Variants in SUSD4 observed in about 807,000 individuals in gnomAD.
The protein encoded by SUSD4 is sushi domain-containing protein 4.
Under a neutral mutation model 50.5 loss-of-function variants are expected in SUSD4, and 41 were observed. The ratio of observed to expected loss-of-function variants is 0.81; its 90% CI spans 0.63 to 1.05. SUSD4 has a LOEUF of 1.05. Ranked by LOEUF, SUSD4 falls within the 50% of genes least tolerant of loss-of-function variation. The pLI is 0.00. For synonymous variants in SUSD4, 257 were observed against 257.3 expected, an observed-to-expected ratio of 1.00 and a Z score of 0.01; for missense variants, 580 against 634.7, an observed-to-expected ratio of 0.91 and a Z score of 0.93.
intron 2 of SUSD4, among the ~76,000 whole-genome samples, chr1:223,346,611 T>C (rs563090813): frequency 6.6e-6 from 1 of 152,216 alleles, no homozygotes; most frequent in African/African-American, 2.4e-5. Flanking sequence ...GCCCCACCAC[T>C]TCTAATTCTA....
intron 3 of SUSD4, among the ~76,000 whole-genome samples, chr1:223,272,998 A>T (rs1215181675): frequency 6.6e-6 from 1 of 152,200 alleles, no homozygotes; most frequent in Non-Finnish European, 1.5e-5. Context: ...AGGTGACATG[A>T]TAGGGACTGA....
At chr1:223,253,608 C>T (rs1394074575) in intron 5 of SUSD4, among the ~76,000 whole-genome samples, 1 of 152,058 alleles carries the variant, frequency 6.6e-6, no homozygotes, top group African/African-American at 2.4e-5. Flanking sequence ...CCGAATATTG[C>T]CGAGTGACTC....
rs766032074 is a variant in SUSD4, at chr1:223,237,369, G to A, written c.725-7981C>T. Among the ~76,000 whole-genome samples the A allele has an allele frequency of 3.3e-5, 5 of 151,866 alleles. No homozygotes were observed. In the East Asian group the frequency reaches 7.7e-4, roughly 23 times the overall value. Reference sequence around the variant, plus strand: ...TTTTCTTGCCTTATTGCATTAACTAGAACTTCCAGTATGATGCTGAAACGG... The same window carrying A: ...TTTTCTTGCCTTATTGCATTAACTAAAACTTCCAGTATGATGCTGAAACGG... On this transcript the variant is annotated intron_variant, in intron 5 of 8. Coordinates refer to ENST00000366878, the MANE Select transcript of SUSD4 (RefSeq NM_017982.4).
chr1:223,224,095 T>C (rs1659327268), intron 7 of SUSD4, among the ~76,000 whole-genome samples: 2 of 152,176 alleles, frequency 1.3e-5, no homozygotes, highest in South Asian at 4.1e-4. Context: ...ACACCTGCAA[T>C]CCCAGCACTT....
intron 2 of SUSD4, among the ~76,000 whole-genome samples, chr1:223,317,221 G>A (rs1457441650): frequency 6.6e-6 from 1 of 152,188 alleles, no homozygotes; most frequent in Non-Finnish European, 1.5e-5. Context: ...GACGACAAGA[G>A]TGGTCTCTGG....
intron 2 of SUSD4, among the ~76,000 whole-genome samples, chr1:223,318,099 TA>T (rs1666336477): frequency 1.9e-5 from 1 of 53,878 alleles, no homozygotes; most frequent in Non-Finnish European, 3.7e-5. Flanking sequence ...TGAGTGAGAA[TA>T]TGCGGTGTTT....
In SUSD4 at chr1:223,223,646, GA is replaced by G; in HGVS notation, c.1062-16del. The stretch of plus-strand genomic sequence containing the variant: ...GGGGAGGCCCCCTGTGTAAAGGAAA[GA>G]AGTGCCAACATGTGAGAGCCATGCC... On this transcript the variant is annotated splice_polypyrimidine_tract_variant and intron_variant, in intron 7 of 8. Transcript: ENST00000366878. The G allele has an allele frequency of 4.4e-6, 7 of 1,584,980 alleles. No individual in the cohort carries two copies. Among genetic ancestry groups the G allele is most frequent in the Non-Finnish European group, 5.2e-6 (6 of 1,163,656 alleles).
At chr1:223,353,545 C>T (rs935619453) in intron 2 of SUSD4, among the ~76,000 whole-genome samples, 11 of 152,126 alleles carry the variant, frequency 7.2e-5, no homozygotes, top group African/African-American at 2.7e-4. Flanking sequence ...TCAGAGGTGA[C>T]AGAGCTGGTC....
chr1:223,278,971 C>T (rs1350703917), intron 3 of SUSD4, among the ~76,000 whole-genome samples: 1 of 152,190 alleles, frequency 6.6e-6, no homozygotes, highest in Non-Finnish European at 1.5e-5. Flanking sequence ...TGGAGTAGAC[C>T]TCCAGCTAAC....
At position 223,221,072 on chromosome 1, in the gene SUSD4, G is replaced by A; in HGVS notation, c.*1120C>T. ...CTTAGGAACAACACCCAGTGGGCAT[G>A]ATGAGACCCTCAAAGTAGGAATGCA... is the stretch of plus-strand genomic sequence containing the variant. On this transcript the variant is annotated 3_prime_UTR_variant, in exon 9 of 9. Transcript: ENST00000366878. The A allele has an allele frequency of 2.5e-6, 1 of 400,884 alleles. No individual in the cohort carries two copies. The highest frequency in any genetic ancestry group is 4.4e-6 in the Non-Finnish European group (1 of 226,272). The allele number at this position is 400,884 out of a possible 1,614,324, so 24.8% of individuals were successfully genotyped here. A position where few individuals can be genotyped will look rare whatever the true frequency, so the allele number is the denominator to read the frequency against.
chr1:223,317,193 A>G (rs1390795275), intron 2 of SUSD4, among the ~76,000 whole-genome samples: 1 of 152,124 alleles, frequency 6.6e-6, no homozygotes, highest in Non-Finnish European at 1.5e-5. Flanking sequence ...GCCAGCTAAA[A>G]CCCACCAAAA....
chr1:223,247,984 C>T (rs933476395), intron 5 of SUSD4, among the ~76,000 whole-genome samples: 4 of 152,188 alleles, frequency 2.6e-5, no homozygotes, highest in African/African-American at 7.2e-5. Flanking sequence ...ATATGAATTG[C>T]AGTCCATGGA....
chr1:223,341,977 G>A (rs1047534366), intron 2 of SUSD4, among the ~76,000 whole-genome samples: 2 of 152,092 alleles, frequency 1.3e-5, no homozygotes, highest in African/African-American at 2.4e-5. Flanking sequence ...TGGTCACGTC[G>A]AGTGTAAATG....
chr1:223,327,041 A>G (rs1344309563), intron 2 of SUSD4, among the ~76,000 whole-genome samples: 1 of 152,224 alleles, frequency 6.6e-6, no homozygotes, highest in Non-Finnish European at 1.5e-5. Flanking sequence ...ACACTTGTAC[A>G]TGTATGTTTA....
chr1:223,335,746 C>G (rs1667419750), intron 2 of SUSD4, among the ~76,000 whole-genome samples: 1 of 152,178 alleles, frequency 6.6e-6, no homozygotes, highest in Non-Finnish European at 1.5e-5. Context: ...ACGAAGCAGT[C>G]AAGCATCAAG....
intron 2 of SUSD4, among the ~76,000 whole-genome samples, chr1:223,358,572 C>T (rs558034594): frequency 1.8e-4 from 28 of 152,282 alleles, no homozygotes; most frequent in Admixed American, 1.1e-3. Flanking sequence ...CTTTTATTCA[C>T]GTATCTAATC....
At chr1:223,303,501 C>T (rs1665320437) in intron 2 of SUSD4, among the ~76,000 whole-genome samples, 1 of 147,944 alleles carries the variant, frequency 6.8e-6, no homozygotes. Context: ...CCTTACAGGA[C>T]ATTCAATAGT....
intron 5 of SUSD4, among the ~76,000 whole-genome samples, chr1:223,237,256 AT>A (rs1461998539): frequency 6.6e-6 from 1 of 151,960 alleles, no homozygotes; most frequent in Non-Finnish European, 1.5e-5. Context: ...TTGGTCAATT[AT>A]TTTGGATTTC....
Position 223,227,653 on chromosome 1 carries a change from C to T in SUSD4, c.1002G>A (p.Leu334=). Residue 334 remains leucine, a synonymous_variant, in exon 7 of 9, where the codon CTG becomes CTA. Coordinates refer to ENST00000366878, the MANE Select transcript of SUSD4 (RefSeq NM_017982.4). This position sits in a 1 kb window ranked among gnomAD's most constrained non-coding sequence, Gnocchi z 4.5. ...AFTATSVLLV[L]LLVILARMFQ... is the part of the protein sequence containing the mutation. ...ACATCCTGGCCAGGATGACGAGCAG[C>T]AGCACCAGCAGCACACTGGTTGCCG... The T allele has an allele frequency of 6.2e-7, 1 of 1,613,850 alleles. No individual in the cohort carries two copies. The highest frequency in any genetic ancestry group is 8.5e-7 in the Non-Finnish European group (1 of 1,179,934).
Sources: allele counts gnomAD v4.1 joint callset (sites outside exome capture counted in the v4.1 genomes callset), GRCh38; gene constraint gnomAD v4.1.1; non-coding constraint Gnocchi (gnomAD v3.1); transcripts MANE v1.5; gene names NCBI Gene and HGNC (gene_info 2026-07-23, HGNC 2026-07-21).